The following FRMD4A variants were observed in gnomAD, a reference collection of about 807,000 sequenced individuals.
FRMD4A encodes the protein FERM domain containing 4A.
A neutral mutation model predicts 129.1 loss-of-function variants in FRMD4A; 29 were observed. The ratio of observed to expected loss-of-function variants is 0.22; its 90% CI spans 0.17 to 0.31. The LOEUF (loss-of-function observed/expected upper bound fraction) is 0.31, where lower values mean the gene tolerates loss of function less well. FRMD4A is among the 10% of genes least tolerant of loss of function. The probability of loss-of-function intolerance (pLI) is 1.00; values close to 1 mark genes in which losing one functional copy is unlikely to be tolerated. For missense variants in FRMD4A, 1,272 were observed against 1,375.8 expected (o/e 0.92, Z 1.19); for synonymous variants, 634 against 571.6 (o/e 1.11, Z -1.56).
At chr10:13,976,793 A>T (rs1243090116) in intron 2 of FRMD4A, among the ~76,000 whole-genome samples, 1 of 152,254 alleles carries the variant, frequency 6.6e-6, no homozygotes, top group Non-Finnish European at 1.5e-5. Context: ...TTCAGGGATT[A>T]TTTATTGCTA....
At chr10:13,996,385 C>T (rs140177177) in intron 2 of FRMD4A, among the ~76,000 whole-genome samples, 1 of 152,236 alleles carries the variant, frequency 6.6e-6, no homozygotes, top group Non-Finnish European at 1.5e-5. Context: ...TGCCCCTGCA[C>T]AGGAACAGCT....
chr10:13,776,974 A>C (rs79275120), intron 6 of FRMD4A, among the ~76,000 whole-genome samples: 2,152 of 152,354 alleles, frequency 0.014, 96 homozygotes, highest in South Asian at 0.12. Flanking sequence ...AGAACTTTGC[A>C]TGCTTTATCT....
intron 2 of FRMD4A, among the ~76,000 whole-genome samples, chr10:13,880,660 C>T (rs1010025455): frequency 3.9e-5 from 6 of 152,148 alleles, no homozygotes; most frequent in Admixed American, 3.3e-4. Context: ...TTCCCTGCCA[C>T]ACTTCTGCCT....
intron 2 of FRMD4A, among the ~76,000 whole-genome samples, chr10:13,903,165 G>A (rs1589223328): frequency 1.3e-5 from 2 of 152,188 alleles, no homozygotes; most frequent in East Asian, 3.9e-4. Flanking sequence ...CTGCTCAGAT[G>A]TACCCTTATT....
At chr10:13,845,618 C>T (rs1294376695) in intron 3 of FRMD4A, among the ~76,000 whole-genome samples, 1 of 152,192 alleles carries the variant, frequency 6.6e-6, no homozygotes, top group African/African-American at 2.4e-5. Flanking sequence ...ACTAAGCAGT[C>T]TGGCCGAGGC....
chr10:14,219,786 A>G (rs973760778), intron 2 of FRMD4A, among the ~76,000 whole-genome samples: 1 of 152,088 alleles, frequency 6.6e-6, no homozygotes, highest in African/African-American at 2.4e-5. Context: ...TCATTTAGGG[A>G]ACATAGTCTG....
At chr10:14,285,249 T>C (rs1348574673) in intron 2 of FRMD4A, among the ~76,000 whole-genome samples, 4 of 152,218 alleles carry the variant, frequency 2.6e-5, no homozygotes, top group Admixed American at 2.0e-4. Flanking sequence ...CTAGTTTCTA[T>C]ATTCACATTC....
At chr10:13,968,320 A>G (rs1298983738) in intron 2 of FRMD4A, among the ~76,000 whole-genome samples, 1 of 152,262 alleles carries the variant, frequency 6.6e-6, no homozygotes, top group Non-Finnish European at 1.5e-5. Flanking sequence ...ACTGCTTAAA[A>G]TCGCTAATAA....
At chr10:14,053,176 T>C (rs1040878064) in intron 2 of FRMD4A, among the ~76,000 whole-genome samples, 10 of 152,162 alleles carry the variant, frequency 6.6e-5, no homozygotes, top group African/African-American at 2.4e-4. Context: ...ATTTATTTGT[T>C]TTCTCTCTCA....
intron 2 of FRMD4A, among the ~76,000 whole-genome samples, chr10:14,168,344 T>C (rs759050575): frequency 3.3e-5 from 5 of 152,172 alleles, no homozygotes; most frequent in Non-Finnish European, 7.4e-5. Context: ...GAAAGAAAAG[T>C]TGTTATTCTC....
At chr10:14,168,441 C>T (rs527593118) in intron 2 of FRMD4A, among the ~76,000 whole-genome samples, 55 of 152,274 alleles carry the variant, frequency 3.6e-4, no homozygotes, top group South Asian at 2.3e-3. Flanking sequence ...GTCATGAAAG[C>T]CTTTATTGTC....
At chr10:13,799,409 C>T (rs558884130) in intron 4 of FRMD4A, among the ~76,000 whole-genome samples, 42 of 152,320 alleles carry the variant, frequency 2.8e-4, no homozygotes, top group Non-Finnish European at 4.6e-4. Context: ...CCACCTGCCT[C>T]GGCCTCCCAA....
chr10:14,220,650 G>T (rs973136316), intron 2 of FRMD4A, among the ~76,000 whole-genome samples: 1 of 152,106 alleles, frequency 6.6e-6, no homozygotes, highest in Admixed American at 6.6e-5. Context: ...TCTTAAATTC[G>T]CTGACCTCAG....
chr10:13,661,539 C>T (rs1402343942), intron 19 of FRMD4A, among the ~76,000 whole-genome samples: 1 of 152,190 alleles, frequency 6.6e-6, no homozygotes, highest in Non-Finnish European at 1.5e-5. Flanking sequence ...TGATGGGGGC[C>T]TGGAATTCCG....
At chr10:13,670,059 A>T (rs2083391311) in intron 17 of FRMD4A, among the ~76,000 whole-genome samples, 1 of 152,130 alleles carries the variant, frequency 6.6e-6, no homozygotes, top group South Asian at 2.1e-4. Flanking sequence ...TAGATCACAC[A>T]TCAAGCTTGG....
At chr10:13,823,934 C>T (rs113569363) in intron 3 of FRMD4A, among the ~76,000 whole-genome samples, 332 of 152,210 alleles carry the variant, frequency 2.2e-3, no homozygotes, top group African/African-American at 7.7e-3. Flanking sequence ...AGGTGTGGCT[C>T]GTATGACATC....
chr10:13,679,085 C>A (rs1408968890), intron 15 of FRMD4A, among the ~76,000 whole-genome samples: 6 of 151,974 alleles, frequency 3.9e-5, no homozygotes, highest in African/African-American at 1.5e-4. Context: ...CCTCTAGAAA[C>A]TTCTGTTCTA....
intron 2 of FRMD4A, among the ~76,000 whole-genome samples, chr10:14,085,111 C>G (rs1836185437): frequency 6.6e-6 from 1 of 151,656 alleles, no homozygotes; most frequent in African/African-American, 2.4e-5. Flanking sequence ...AATCCCACCT[C>G]CATCTGTTTA....
Position 13,871,436 on chromosome 10 carries a change from G to T in FRMD4A, c.46-12524C>A, listed in dbSNP as rs139637419. ...CTTTTTAAAAAAAATCTGACAAGTT[G>T]CTCTAGTAACCCAAAGAAGTGAAGG... On this transcript the variant is annotated intron_variant, in intron 2 of 24. Transcript: ENST00000357447. Among the ~76,000 whole-genome samples, 274 of 152,306 alleles carry T rather than the reference G, an allele frequency of 1.8e-3. 2 individuals are homozygous for T. The highest frequency in any genetic ancestry group is 0.017 in the Middle Eastern group (5 of 294).
Sources: gnomAD v4.1 joint callset for allele counts (sites outside exome capture counted in the v4.1 genomes callset) on GRCh38, gnomAD v4.1.1 for gene constraint, MANE v1.5 for transcripts, NCBI Gene and HGNC (gene_info 2026-07-23, HGNC 2026-07-21) for gene names.